Variants in TM9SF2 observed in about 807,000 individuals in gnomAD.
TM9SF2 encodes the protein 76 kDa membrane protein.
Under a neutral mutation model 84.9 loss-of-function variants are expected in TM9SF2, and 13 were observed. The observed-to-expected ratio is 0.15, with a 90% CI of 0.10 to 0.24. TM9SF2 has a LOEUF of 0.24. TM9SF2 is among the 10% of genes least tolerant of loss of function. TM9SF2 has a pLI of 1.00. For missense variants in TM9SF2, 562 were observed against 818.5 expected (o/e 0.69, Z 3.82); for synonymous variants, 273 against 285.8 (o/e 0.96, Z 0.45).
chr13:99,519,780 A>G (rs1184544491), intron 2 of TM9SF2, among the ~76,000 whole-genome samples: 1 of 152,274 alleles, frequency 6.6e-6, no homozygotes, highest in African/African-American at 2.4e-5. Context: ...ATAATGAGTC[A>G]ATTAAAAGAT....
chr13:99,543,856 C>T lies in TM9SF2; in HGVS notation c.1018-7C>T, dbSNP rs568311491. The T allele has an allele frequency of 9.3e-6, 15 of 1,613,608 alleles. No homozygotes were observed. The African/African-American group carries it at 1.3e-4, about 14-fold the overall frequency. Reference sequence around the variant, plus strand: ...AGACAATCGAACTGATTTCATTCCCCTTTTAGGAAGATGCCCAGGAAGAAT... The same window carrying T: ...AGACAATCGAACTGATTTCATTCCCTTTTTAGGAAGATGCCCAGGAAGAAT... On this transcript the variant is annotated splice_region_variant and splice_polypyrimidine_tract_variant and intron_variant, in intron 9 of 16. Coordinates refer to ENST00000376387, the MANE Select transcript of TM9SF2 (RefSeq NM_004800.3).
At chr13:99,540,613 T>A (rs1392289192) in intron 7 of TM9SF2, 101 bp from the exon 8 acceptor site, 1 of 848,272 alleles carries the variant, frequency 1.2e-6, no homozygotes. Context: ...AAATTGCAGT[T>A]GTTGACTCAA....
At chr13:99,556,574 C>CTTTTTTTTTTTTTTTTCTT (rs35868359) in intron 15 of TM9SF2, among the ~76,000 whole-genome samples, 1 of 137,080 alleles carries the variant, frequency 7.3e-6, no homozygotes, top group Non-Finnish European at 1.5e-5. Flanking sequence ...TACTTCATTC[C>CTTTTTTTTTTTTTTTTCTT]TTTTTTTTTT....
chr13:99,544,008 T>C lies in TM9SF2; in HGVS notation c.1150+13T>C. The C allele has an allele frequency of 6.2e-7, 1 of 1,608,072 alleles. No individual in the cohort carries two copies. Among genetic ancestry groups the C allele is most frequent in the Non-Finnish European group, 8.5e-7 (1 of 1,177,806 alleles). On this transcript the variant is annotated intron_variant, in intron 10 of 16. Transcript: ENST00000376387. ...TTTGTGACTCTATGTAAGTGTTAACTGAAAATTTTCAAGTAGAAAATACTT... is the reference window on the plus strand; with the variant it reads ...TTTGTGACTCTATGTAAGTGTTAACCGAAAATTTTCAAGTAGAAAATACTT...
At chr13:99,502,633 A>G (rs970252245) in intron 1 of TM9SF2, among the ~76,000 whole-genome samples, 1 of 152,216 alleles carries the variant, frequency 6.6e-6, no homozygotes, top group Non-Finnish European at 1.5e-5. Context: ...TAAATAAAGT[A>G]ACCTGCTTTT....
chr13:99,530,480 C>G (rs2139088734), intron 4 of TM9SF2, among the ~76,000 whole-genome samples: 1 of 152,252 alleles, frequency 6.6e-6, no homozygotes, highest in African/African-American at 2.4e-5. Context: ...GCAAGGATGC[C>G]ACAAACCTTC....
intron 4 of TM9SF2, among the ~76,000 whole-genome samples, chr13:99,532,924 A>C (rs1855143349): frequency 6.6e-6 from 1 of 152,246 alleles, no homozygotes; most frequent in Admixed American, 6.5e-5. Flanking sequence ...GAATCAGAAA[A>C]GTTGATGATT....
intron 2 of TM9SF2, among the ~76,000 whole-genome samples, chr13:99,518,205 G>T (rs978676785): frequency 6.6e-6 from 1 of 152,118 alleles, no homozygotes; most frequent in East Asian, 1.9e-4. Flanking sequence ...TCTGCCTCCC[G>T]CGTTCAGGCG....
At position 99,539,206 on chromosome 13, in the gene TM9SF2, T is replaced by TC. The variant is rs1257305805; in HGVS notation, c.717-237dup. 1.8e-3 allele frequency among the ~76,000 whole-genome samples: 250 copies of TC among 139,016 alleles called. 2 individuals are homozygous for TC. The highest frequency in any genetic ancestry group is 6.7e-3 in the African/African-American group (241 of 36,174). The allele number at this position is 139,016 out of a possible 152,430, so 91.2% of individuals were successfully genotyped here. A position where few individuals can be genotyped will look rare whatever the true frequency, so the allele number is the denominator to read the frequency against. On this transcript the variant is annotated intron_variant, in intron 6 of 16. Transcript: ENST00000376387. ...GCCTGGGTAAGAGAGCAAGACCCTG[T>TC]CCCAAAAAAAAAAAAGAAAAAAAAA... is the stretch of plus-strand genomic sequence containing the variant.
intron 10 of TM9SF2, among the ~76,000 whole-genome samples, chr13:99,544,348 A>AG: frequency 6.6e-6 from 1 of 151,920 alleles, no homozygotes; most frequent in Non-Finnish European, 1.5e-5. Context: ...ATCTCAAAAA[A>AG]AAAAACAAAA....
chr13:99,529,641 A>C (rs1374007066), intron 4 of TM9SF2, 47 bp downstream of exon 4: 2 of 1,449,480 alleles, frequency 1.4e-6, no homozygotes, highest in African/African-American at 2.9e-5. Context: ...TTTCCATATG[A>C]AATCTTTGTT....
chr13:99,558,708 T>C (rs992962251), intron 15 of TM9SF2, among the ~76,000 whole-genome samples: 9 of 148,824 alleles, frequency 6.0e-5, no homozygotes, highest in African/African-American at 2.2e-4. Flanking sequence ...CATTTGTTGA[T>C]TAGCTGTTGC....
At chr13:99,523,836 T>C (rs1229241543) in intron 3 of TM9SF2, among the ~76,000 whole-genome samples, 1 of 152,106 alleles carries the variant, frequency 6.6e-6, no homozygotes, top group Non-Finnish European at 1.5e-5. Context: ...TGAAAATAAA[T>C]CTGTGAAGGT....
At chr13:99,508,404 A>AAACACACACAC (rs2046097815) in intron 1 of TM9SF2, among the ~76,000 whole-genome samples, 1 of 134,414 alleles carries the variant, frequency 7.4e-6, no homozygotes, top group African/African-American at 2.9e-5. Context: ...AGGCAAACAA[A>AAACACACACAC]ACACACACAC....
At chr13:99,524,109 T>G (rs2046171791) in intron 3 of TM9SF2, among the ~76,000 whole-genome samples, 1 of 152,188 alleles carries the variant, frequency 6.6e-6, no homozygotes, top group East Asian at 1.9e-4. Context: ...GAGGCCACTG[T>G]GAGGATTGGC....
chr13:99,503,243 G>T (rs78457716), intron 1 of TM9SF2, among the ~76,000 whole-genome samples: 3,886 of 152,258 alleles, frequency 0.026, 167 homozygotes, highest in African/African-American at 0.087. Context: ...TATTCCTAGT[G>T]CCTCAAAGAT....
chr13:99,532,176 C>T (rs920007795), intron 4 of TM9SF2, among the ~76,000 whole-genome samples: 25 of 151,722 alleles, frequency 1.6e-4, no homozygotes, highest in Admixed American at 2.6e-4. Context: ...CTCAGCCTCC[C>T]GAGTAGCTGG....
chr13:99,525,367 G>A (rs899747622), intron 3 of TM9SF2, among the ~76,000 whole-genome samples: 8 of 151,732 alleles, frequency 5.3e-5, no homozygotes, highest in African/African-American at 1.9e-4. Context: ...TTAGCCTCCC[G>A]AGCAGCTGGG....
chr13:99,521,830 C>T (rs953469696), intron 3 of TM9SF2, among the ~76,000 whole-genome samples: 1 of 152,074 alleles, frequency 6.6e-6, no homozygotes, highest in South Asian at 2.1e-4. Flanking sequence ...TCTCACTCCC[C>T]TGAGTGGCTA....
Sources: gnomAD v4.1 joint callset for allele counts (sites outside exome capture counted in the v4.1 genomes callset) on GRCh38, gnomAD v4.1.1 for gene constraint, MANE v1.5 for transcripts, NCBI Gene and HGNC (gene_info 2026-07-23, HGNC 2026-07-21) for gene names.